Variants in CD83 observed in about 807,000 individuals in gnomAD.
The protein encoded by CD83 is CD83 antigen.
CD83 carries 22 observed loss-of-function variants against 24.6 expected under a neutral mutation model. The ratio of observed to expected loss-of-function variants is 0.90; its 90% CI spans 0.64 to 1.28. CD83 has a LOEUF of 1.28. Among genes scored for constraint, CD83 ranks in the 50% most tolerant of loss-of-function variants. CD83 has a pLI of 0.00. For missense variants in CD83, 253 were observed against 252.8 expected (o/e 1.00, Z -0.01); for synonymous variants, 101 against 103.5 (o/e 0.98, Z 0.14).
At chr6:14,118,522 A>G (rs564150794) in intron 2 of CD83, among the ~76,000 whole-genome samples, 1 of 152,268 alleles carries the variant, frequency 6.6e-6, no homozygotes, top group East Asian at 1.9e-4. Context: ...GGGAGGGGGC[A>G]ATTTGAAAGG....
rs1372524089 is a variant in CD83, at chr6:14,119,073, C to T, written c.153+1008C>T. Among the ~76,000 whole-genome samples, 8 of 152,208 alleles carry T rather than the reference C, an allele frequency of 5.3e-5. No homozygotes were observed. The South Asian group carries it at 8.3e-4, about 16-fold the overall frequency. ...CACTTAACAGTACAAGGCATCATTG[C>T]GGTGATCTCTTTGTGTGTGTGTCTC... On this transcript the variant is annotated intron_variant, in intron 2 of 4. Coordinates refer to ENST00000379153, the MANE Select transcript of CD83 (RefSeq NM_004233.4).
intron 3 of CD83, among the ~76,000 whole-genome samples, chr6:14,132,563 T>A (rs908986428): frequency 6.6e-6 from 1 of 152,244 alleles, no homozygotes; most frequent in Admixed American, 6.5e-5. Context: ...GCCTCAGTTC[T>A]CTAATCTCTA....
Position 14,131,725 on chromosome 6 carries a change from G to T in CD83, c.359G>T (p.Gly120Val), listed in dbSNP as rs774990924. Reference protein sequence around the residue: ...QDPDGQRNLSGKVILRVTGCP... With the variant: ...QDPDGQRNLSVKVILRVTGCP... ...CCGGATGGGCAGAGAAACCTAAGTG[G>T]CAAGGTGATCTTGAGAGTGACAGGT... The change falls in exon 3 of 5, where the codon GGC becomes GTC. Residue 120 changes from glycine to valine, a missense_variant. Coordinates refer to ENST00000379153, the MANE Select transcript of CD83 (RefSeq NM_004233.4). 1 of 1,613,750 alleles carries T rather than the reference G, an allele frequency of 6.2e-7. No homozygotes were observed. Among genetic ancestry groups the T allele is most frequent in the East Asian group, 2.2e-5 (1 of 44,878 alleles).
At chr6:14,134,952 T>A (rs1401288185) in intron 4 of CD83, among the ~76,000 whole-genome samples, 156 bp from the exon 5 acceptor site, 1 of 152,198 alleles carries the variant, frequency 6.6e-6, no homozygotes, top group Non-Finnish European at 1.5e-5. Context: ...AGTGAAATGG[T>A]TGGTACAAAT....
At chr6:14,124,633 C>T (rs1031281007) in intron 2 of CD83, among the ~76,000 whole-genome samples, 6 of 152,080 alleles carry the variant, frequency 3.9e-5, no homozygotes, top group Admixed American at 3.3e-4. Flanking sequence ...CATGGTGGTG[C>T]GGGGTGCCTT....
intron 4 of CD83, 28 bp downstream of exon 4, chr6:14,133,783 T>A (rs1757980621): frequency 7.0e-7 from 1 of 1,424,058 alleles, no homozygotes; most frequent in Admixed American, 1.7e-5. Context: ...ACATCTTCTC[T>A]TATTAAAAGA....
intron 3 of CD83, among the ~76,000 whole-genome samples, chr6:14,133,028 C>T (rs991389432): frequency 2.0e-5 from 3 of 152,252 alleles, no homozygotes; most frequent in African/African-American, 4.8e-5. Flanking sequence ...AACCCTTTAA[C>T]AGCCCTGAGG....
At chr6:14,131,489 A>G (rs1225719857) in intron 2 of CD83, 31 bp from the exon 3 acceptor site, 3 of 1,527,412 alleles carry the variant, frequency 2.0e-6, no homozygotes, top group Non-Finnish European at 2.7e-6. Context: ...CTTGCAGTGG[A>G]CCGTGATGCG....
At position 14,117,868 on chromosome 6, in the gene CD83, G is replaced by T. The variant is rs781479969; in HGVS notation, c.37+20G>T. The stretch of plus-strand genomic sequence containing the variant: ...GCTGCGGTAGGGCTCGCGAGCGCCT[G>T]TCTCGCCTGTCGCCCCCCGCCCCTC... On this transcript the variant is annotated intron_variant, in intron 1 of 4. Coordinates refer to ENST00000379153, the MANE Select transcript of CD83 (RefSeq NM_004233.4). This position sits in a 1 kb window ranked among gnomAD's most constrained non-coding sequence, Gnocchi z 4.6. The T allele has an allele frequency of 6.3e-6, 10 of 1,575,854 alleles. No individual in the cohort carries two copies. The South Asian group carries it at 1.1e-4, about 18-fold the overall frequency.
intron 2 of CD83, 80 bp downstream of exon 2, chr6:14,118,145 A>G (rs2113382290): frequency 9.8e-7 from 1 of 1,025,042 alleles, no homozygotes; most frequent in African/African-American, 1.7e-5. Flanking sequence ...TAGGCTGGCG[A>G]CCCTCTGTGG....
rs748180446 is a variant in CD83 at position 14,136,071 on chromosome 6, G to A, written c.*835G>A. ...ATGCTGGGCTGACGGTGCAGTCTGGGTGCTCGCCCACTTGTCCCACTATCT... is the reference window on the plus strand; with the variant it reads ...ATGCTGGGCTGACGGTGCAGTCTGGATGCTCGCCCACTTGTCCCACTATCT... On this transcript the variant is annotated 3_prime_UTR_variant, in exon 5 of 5. Coordinates refer to ENST00000379153, the MANE Select transcript of CD83 (RefSeq NM_004233.4). 5.9e-5 allele frequency: 9 copies of A among 152,234 alleles called. No individual in the cohort carries two copies. The highest frequency in any genetic ancestry group is 1.2e-4 in the Non-Finnish European group (8 of 68,070). The allele number at this position is 152,234 out of a possible 1,614,324, so 9.4% of individuals were successfully genotyped here. A position where few individuals can be genotyped will look rare whatever the true frequency, so the allele number is the denominator to read the frequency against.
At chr6:14,120,454 G>A (rs1026331796) in intron 2 of CD83, among the ~76,000 whole-genome samples, 1 of 152,152 alleles carries the variant, frequency 6.6e-6, no homozygotes, top group African/African-American at 2.4e-5. Context: ...TTTCATCAAA[G>A]TGGAGGGGTA....
At chr6:14,128,308 T>C (rs1759869031) in intron 2 of CD83, among the ~76,000 whole-genome samples, 1 of 152,156 alleles carries the variant, frequency 6.6e-6, no homozygotes, top group Non-Finnish European at 1.5e-5. Flanking sequence ...TTGCATACGG[T>C]CCCTTGATCC....
chr6:14,123,739 G>GA (rs1419393812), intron 2 of CD83, among the ~76,000 whole-genome samples: 1 of 122,006 alleles, frequency 8.2e-6, no homozygotes. Context: ...GAAAGCAGCT[G>GA]AGAGTTAAAT....
chr6:14,134,055 C>T (rs972755344), intron 4 of CD83, among the ~76,000 whole-genome samples: 2 of 152,192 alleles, frequency 1.3e-5, no homozygotes, highest in Non-Finnish European at 2.9e-5. Context: ...CCTGTAGGCG[C>T]AGTGCTAGAA....
At chr6:14,123,660 T>C (rs1345808377) in intron 2 of CD83, among the ~76,000 whole-genome samples, 2 of 151,588 alleles carry the variant, frequency 1.3e-5, no homozygotes, top group Admixed American at 1.3e-4. Flanking sequence ...ATCACTGAGA[T>C]TTTTGGACAA....
Position 14,131,640 on chromosome 6 carries a change from C to G in CD83, c.274C>G (p.Leu92Val). 1.2e-6 allele frequency: 2 copies of G among 1,614,182 alleles called. No homozygotes were observed. Among genetic ancestry groups the G allele is most frequent in the Non-Finnish European group, 1.7e-6 (2 of 1,180,038 alleles). Reference protein sequence around the residue: ...FDAPNERPYSLKIRNTTSCNS... With the variant: ...FDAPNERPYSVKIRNTTSCNS... ...CGCCCCCAATGAAAGGCCCTATTCCCTGAAGATCCGAAACACTACCAGCTG... is the reference window on the plus strand; with the variant it reads ...CGCCCCCAATGAAAGGCCCTATTCCGTGAAGATCCGAAACACTACCAGCTG... Residue 92 changes from leucine (L) to valine (V), a missense_variant, in exon 3 of 5, where the codon CTG becomes GTG. Transcript: ENST00000379153.
intron 2 of CD83, among the ~76,000 whole-genome samples, chr6:14,122,539 G>C (rs1040763577): frequency 3.9e-5 from 6 of 152,164 alleles, no homozygotes; most frequent in African/African-American, 1.4e-4. Flanking sequence ...GAATGATTCT[G>C]TTGTAAGGTG....
At chr6:14,134,296 G>T (rs1265154775) in intron 4 of CD83, among the ~76,000 whole-genome samples, 1 of 152,244 alleles carries the variant, frequency 6.6e-6, no homozygotes, top group Non-Finnish European at 1.5e-5. Context: ...GGCTTCCGGG[G>T]TGCAGGATGG....
Sources: gnomAD v4.1 joint callset for allele counts (sites outside exome capture counted in the v4.1 genomes callset) on GRCh38, gnomAD v4.1.1 for gene constraint, Gnocchi (gnomAD v3.1) non-coding constraint, MANE v1.5 for transcripts, NCBI Gene and HGNC (gene_info 2026-07-23, HGNC 2026-07-21) for gene names.